MICAL3: variants seen among roughly 807,000 people sequenced by gnomAD.
MICAL3 encodes the protein [F-actin]-monooxygenase MICAL3.
In MICAL3, 62 loss-of-function variants were observed where a neutral mutation model predicts 207.4. The observed-to-expected ratio is 0.30, with a 90% CI of 0.24 to 0.37. The LOEUF is 0.37. MICAL3 is among the 10% of genes least tolerant of loss of function. The pLI is 1.00. For missense variants in MICAL3, 2,368 were observed against 2,635.6 expected (o/e 0.90, Z 2.22); for synonymous variants, 1,077 against 1,069.3 (o/e 1.01, Z -0.14).
At chr22:18,008,946 G>A (rs1923569346) in intron 1 of MICAL3, among the ~76,000 whole-genome samples, 1 of 151,870 alleles carries the variant, frequency 6.6e-6, no homozygotes, top group Non-Finnish European at 1.5e-5. Context: ...AAATTAAAAC[G>A]CAACTTGACA....
chr22:17,918,357 C>T (rs889501567), intron 1 of MICAL3, among the ~76,000 whole-genome samples: 3 of 151,906 alleles, frequency 2.0e-5, no homozygotes, highest in Non-Finnish European at 4.4e-5. Flanking sequence ...AAAATTTCAA[C>T]ATTAATTCAC....
intron 16 of MICAL3, chr22:17,872,838 T>C: frequency 6.2e-7 from 1 of 1,607,328 alleles, no homozygotes; most frequent in African/African-American, 1.3e-5. Flanking sequence ...TCCGCCCGTG[T>C]ACATCTTTAT....
chr22:17,875,260 AG>A (rs1928170784), intron 16 of MICAL3: 2 of 382,524 alleles, frequency 5.2e-6, no homozygotes, highest in South Asian at 9.9e-5. Flanking sequence ...ACTTTAGCTG[AG>A]GAGTGTGCCA....
At chr22:17,842,394 C>T (rs941354876) in intron 19 of MICAL3, 1 of 213,934 alleles carries the variant, frequency 4.7e-6, no homozygotes. Context: ...AGGGCATCCC[C>T]GGTGCAGTCT....
At chr22:17,962,148 C>G (rs770125192) in intron 1 of MICAL3, among the ~76,000 whole-genome samples, 1 of 152,176 alleles carries the variant, frequency 6.6e-6, no homozygotes, top group Non-Finnish European at 1.5e-5. Context: ...TGGCGTGTGA[C>G]GACTGCTGGG....
At chr22:17,917,316 C>T (rs1932591400) in intron 1 of MICAL3, among the ~76,000 whole-genome samples, 1 of 152,204 alleles carries the variant, frequency 6.6e-6, no homozygotes, top group Non-Finnish European at 1.5e-5. Context: ...CCTGTTCCTT[C>T]CCTAGTGTTC....
At chr22:17,991,179 C>G (rs12167861) in intron 1 of MICAL3, among the ~76,000 whole-genome samples, 3,248 of 152,294 alleles carry the variant, frequency 0.021, 100 homozygotes, top group African/African-American at 0.064. Flanking sequence ...GCCGCACCAA[C>G]AGGCCCAGAT....
intron 1 of MICAL3, chr22:18,005,881 C>T (rs756830278): frequency 1.2e-4 from 19 of 152,152 alleles, no homozygotes; most frequent in Non-Finnish European, 1.8e-4. Context: ...AGGCTGGGCT[C>T]ATTATTTCTT....
chr22:18,023,763 C>T (rs1924632315), intron 1 of MICAL3, among the ~76,000 whole-genome samples: 1 of 152,220 alleles, frequency 6.6e-6, no homozygotes, highest in Admixed American at 6.5e-5. Flanking sequence ...GCGCCGCGGG[C>T]GGGTGCAGGG....
In MICAL3 at chr22:17,893,795, C is replaced by T. The variant is rs1930591500; in HGVS notation, c.1546+13G>A. 6 of 1,550,434 alleles carry T rather than the reference C, an allele frequency of 3.9e-6. No individual in the cohort carries two copies. The highest frequency in any genetic ancestry group is 5.3e-6 in the Non-Finnish European group (6 of 1,142,536). On this transcript the variant is annotated intron_variant, in intron 11 of 31. Transcript: ENST00000441493. ...GGCTGCCTGCATTTTAAAAAGCCAC[C>T]ACCAGAACTCACCATTGCGAGTCAA...
chr22:17,895,144 T>C, intron 10 of MICAL3, 140 bp downstream of exon 10: 2 of 816,330 alleles, frequency 2.4e-6, no homozygotes, highest in Non-Finnish European at 3.9e-6. Context: ...CTTCTACCAA[T>C]TCAGAGAGAC....
At chr22:17,967,339 C>T (rs983113462) in intron 1 of MICAL3, among the ~76,000 whole-genome samples, 2 of 150,528 alleles carry the variant, frequency 1.3e-5, no homozygotes, top group Admixed American at 6.6e-5. Flanking sequence ...TTCATCACAA[C>T]GGCATCTACA....
At chr22:17,856,568 A>G (rs1242400822) in intron 19 of MICAL3, among the ~76,000 whole-genome samples, 2 of 150,054 alleles carry the variant, frequency 1.3e-5, no homozygotes, top group Non-Finnish European at 3.0e-5. Context: ...GCTGGTTCAG[A>G]GTAATTCACG....
chr22:17,846,067 G>C (rs1213405202), intron 19 of MICAL3, among the ~76,000 whole-genome samples: 1 of 152,224 alleles, frequency 6.6e-6, no homozygotes, highest in Non-Finnish European at 1.5e-5. Context: ...CAGAAGCACT[G>C]GGAACTGTTC....
chr22:17,899,822 CA>C (rs563096421), intron 6 of MICAL3, among the ~76,000 whole-genome samples: 21 of 144,922 alleles, frequency 1.4e-4, no homozygotes, highest in Admixed American at 2.1e-4. Context: ...ACGAAACAAG[CA>C]AAAAAAAAAG....
At chr22:17,956,427 A>C (rs1465073283) in intron 1 of MICAL3, among the ~76,000 whole-genome samples, 2 of 152,154 alleles carry the variant, frequency 1.3e-5, no homozygotes, top group African/African-American at 4.8e-5. Flanking sequence ...TAATCCCCGC[A>C]CTTTGGGAGG....
At chr22:17,813,384 G>A (rs543970800) in intron 27 of MICAL3, 1 of 152,210 alleles carries the variant, frequency 6.6e-6, no homozygotes, top group African/African-American at 2.4e-5. Flanking sequence ...GCTCCCTGTT[G>A]CTCCATCCAT....
intron 1 of MICAL3, among the ~76,000 whole-genome samples, chr22:17,959,016 T>TTG (rs1934769673): frequency 1.5e-5 from 2 of 137,910 alleles, no homozygotes; most frequent in Non-Finnish European, 1.6e-5. Context: ...TGGGGTTTTT[T>TTG]TTTTTTTTTT....
intron 1 of MICAL3, among the ~76,000 whole-genome samples, chr22:17,912,275 C>T (rs1932193621): frequency 6.6e-6 from 1 of 151,750 alleles, no homozygotes; most frequent in African/African-American, 2.4e-5. Context: ...GGCATGAGTC[C>T]TCCAGCTTTG....
Sources: gnomAD v4.1 joint callset for allele counts (sites outside exome capture counted in the v4.1 genomes callset) on GRCh38, gnomAD v4.1.1 for gene constraint, MANE v1.5 for transcripts, NCBI Gene and HGNC (gene_info 2026-07-23, HGNC 2026-07-21) for gene names.